Variants in ZNF438 observed in about 807,000 individuals in gnomAD.
ZNF438 encodes zinc finger protein 438.
Under a neutral mutation model 38.0 loss-of-function variants are expected in ZNF438, and 25 were observed. The observed-to-expected ratio is 0.66, with a 90% CI of 0.48 to 0.92. ZNF438 has a LOEUF of 0.92. ZNF438 is among the 40% of genes least tolerant of loss of function. ZNF438 has a pLI of 0.00. For synonymous variants in ZNF438, 372 were observed against 364.1 expected (o/e 1.02, Z -0.25); for missense variants, 1,007 against 999.6 (o/e 1.01, Z -0.10).
intron 1 of ZNF438, among the ~76,000 whole-genome samples, chr10:31,024,489 T>G (rs1263799338): frequency 6.6e-6 from 1 of 152,016 alleles, no homozygotes; most frequent in Admixed American, 6.6e-5. Context: ...TTAGCCGGGC[T>G]TGGTGGCGGG....
intron 4 of ZNF438, among the ~76,000 whole-genome samples, chr10:30,874,144 A>G (rs1275391755): frequency 7.5e-5 from 6 of 80,414 alleles, no homozygotes; most frequent in South Asian, 2.9e-4. Flanking sequence ...ATATATATAT[A>G]TATATATATA....
At chr10:30,942,371 G>A (rs922506186) in intron 1 of ZNF438, among the ~76,000 whole-genome samples, 3 of 152,214 alleles carry the variant, frequency 2.0e-5, no homozygotes, top group Non-Finnish European at 2.9e-5. Context: ...GTTTTCAAGT[G>A]TAAGTTACCA....
At chr10:30,880,442 A>G (rs866293384) in intron 3 of ZNF438, among the ~76,000 whole-genome samples, 13 of 151,376 alleles carry the variant, frequency 8.6e-5, no homozygotes, top group Middle Eastern at 3.4e-3. Context: ...AAAAAAAAAA[A>G]AAAAAGAAAA....
At chr10:30,932,233 C>A (rs2045772279) in intron 2 of ZNF438, among the ~76,000 whole-genome samples, 1 of 152,056 alleles carries the variant, frequency 6.6e-6, no homozygotes, top group South Asian at 2.1e-4. Flanking sequence ...TAAAAAAAAA[C>A]TTATTAAAAT....
At chr10:30,929,322 C>T (rs1011463724) in intron 2 of ZNF438, among the ~76,000 whole-genome samples, 3 of 152,158 alleles carry the variant, frequency 2.0e-5, no homozygotes, top group African/African-American at 7.2e-5. Context: ...CAGATGTGTT[C>T]GGACTTCCTT....
intron 3 of ZNF438, among the ~76,000 whole-genome samples, chr10:30,900,096 C>T (rs2041810631): frequency 6.6e-6 from 1 of 152,106 alleles, no homozygotes; most frequent in Non-Finnish European, 1.5e-5. Flanking sequence ...CTACTCTATT[C>T]TACTAGTGTA....
At chr10:30,983,116 G>A (rs1470286475) in intron 1 of ZNF438, among the ~76,000 whole-genome samples, 3 of 152,160 alleles carry the variant, frequency 2.0e-5, no homozygotes, top group African/African-American at 4.8e-5. Context: ...CATTTAAAGG[G>A]CCTGCTTGGA....
chr10:30,864,691 C>T (rs1193967719), intron 4 of ZNF438, among the ~76,000 whole-genome samples: 2 of 152,124 alleles, frequency 1.3e-5, no homozygotes, highest in African/African-American at 2.4e-5. Context: ...TACTGCTGAA[C>T]ACAAAAACAG....
intron 1 of ZNF438, among the ~76,000 whole-genome samples, chr10:31,004,079 C>G (rs768187245): frequency 2.6e-5 from 4 of 152,056 alleles, no homozygotes; most frequent in Non-Finnish European, 5.9e-5. Flanking sequence ...TTTTATGCAC[C>G]CAGGAGACAT....
intron 2 of ZNF438, among the ~76,000 whole-genome samples, chr10:30,914,184 TG>T (rs1365167361): frequency 6.6e-6 from 1 of 152,030 alleles, no homozygotes; most frequent in Non-Finnish European, 1.5e-5. Context: ...CTCAAGAGAA[TG>T]AAAAAGTTAA....
chr10:30,852,825 T>G (rs1328635474), intron 4 of ZNF438, among the ~76,000 whole-genome samples: 4 of 152,254 alleles, frequency 2.6e-5, no homozygotes, highest in Non-Finnish European at 5.9e-5. Context: ...TGAATTCCGC[T>G]TATGGGTAAA....
At chr10:30,882,770 T>G (rs2039436155) in intron 3 of ZNF438, among the ~76,000 whole-genome samples, 1 of 152,204 alleles carries the variant, frequency 6.6e-6, no homozygotes, top group South Asian at 2.1e-4. Flanking sequence ...ATATTCATTA[T>G]CTTGATTATG....
chr10:30,887,869 T>G (rs77532241), intron 3 of ZNF438, among the ~76,000 whole-genome samples: 109 of 152,292 alleles, frequency 7.2e-4, no homozygotes, highest in African/African-American at 2.6e-3. Flanking sequence ...TCACTGATGT[T>G]TTCTGTCACT....
At chr10:31,027,785 A>T (rs1308364391) in intron 1 of ZNF438, among the ~76,000 whole-genome samples, 2 of 152,180 alleles carry the variant, frequency 1.3e-5, no homozygotes, top group Non-Finnish European at 2.9e-5. Context: ...ACGTTAGTAG[A>T]GGGCTTCTGT....
chr10:30,916,159 T>C (rs1049960950), intron 2 of ZNF438, among the ~76,000 whole-genome samples: 5 of 152,070 alleles, frequency 3.3e-5, no homozygotes, highest in African/African-American at 1.2e-4. Context: ...ACCAAAACTG[T>C]GGCCTCCAAA....
Position 30,930,700 on chromosome 10 carries a change from A to G in ZNF438, c.-115+10875T>C, listed in dbSNP as rs148426781. ...TGAGTGCCTGTAGTCCCAGTTACTC[A>G]GGAGGCTGAGGCAGGCGAAAAGCTT... is the stretch of plus-strand genomic sequence containing the variant. On this transcript the variant is annotated intron_variant, in intron 2 of 5. Coordinates refer to ENST00000413025, the Ensembl canonical transcript of ZNF438. 9.8e-4 allele frequency among the ~76,000 whole-genome samples: 148 copies of G among 151,338 alleles called. 1 individual carries two copies. Among genetic ancestry groups the G allele is most frequent in the African/African-American group, 3.5e-3 (145 of 41,304 alleles).
At chr10:30,939,960 A>G (rs917640868) in intron 2 of ZNF438, among the ~76,000 whole-genome samples, 12 of 152,226 alleles carry the variant, frequency 7.9e-5, no homozygotes, top group African/African-American at 2.9e-4. Context: ...CATTCCAAAC[A>G]ACAGAACTAG....
intron 3 of ZNF438, among the ~76,000 whole-genome samples, chr10:30,898,789 T>C (rs1007674766): frequency 1.3e-5 from 2 of 152,136 alleles, no homozygotes; most frequent in African/African-American, 4.8e-5. Context: ...AAATCAAATG[T>C]GTAAAGTCCA....
At chr10:31,008,082 ATATTT>A (rs2055331053) in intron 1 of ZNF438, among the ~76,000 whole-genome samples, 1 of 152,230 alleles carries the variant, frequency 6.6e-6, no homozygotes, top group Non-Finnish European at 1.5e-5. Flanking sequence ...AACATTTTCA[ATATTT>A]TATATTGCTG....
Sources: gnomAD v4.1 joint callset for allele counts (sites outside exome capture counted in the v4.1 genomes callset) on GRCh38, gnomAD v4.1.1 for gene constraint, MANE v1.5 for transcripts, NCBI Gene and HGNC (gene_info 2026-07-23, HGNC 2026-07-21) for gene names.